BRINP2: variants seen among roughly 807,000 people sequenced by gnomAD.
BRINP2 encodes BMP/retinoic acid-inducible neural-specific protein 2.
A neutral mutation model predicts 69.2 loss-of-function variants in BRINP2; 21 were observed. The observed-to-expected ratio is 0.30, with a 90% confidence interval of 0.22 to 0.44. The LOEUF (loss-of-function observed/expected upper bound fraction) is 0.44. BRINP2 is among the 20% of genes least tolerant of loss of function. The pLI, the probability that BRINP2 is intolerant of heterozygous loss-of-function variation, is 1.00. For synonymous variants in BRINP2, 380 were observed against 394.1 expected (o/e 0.96, Z 0.42); for missense variants, 877 against 986.0 (o/e 0.89, Z 1.48).
chr1:177,190,205 C>T (rs1260199716), intron 1 of BRINP2, among the ~76,000 whole-genome samples: 1 of 152,186 alleles, frequency 6.6e-6, no homozygotes, highest in Non-Finnish European at 1.5e-5. Context: ...ATAAGTCTCT[C>T]CAGACTTTCA....
At chr1:177,196,935 C>T (rs749288186) in intron 1 of BRINP2, among the ~76,000 whole-genome samples, 8 of 152,084 alleles carry the variant, frequency 5.3e-5, no homozygotes, top group Non-Finnish European at 1.2e-4. Flanking sequence ...AATTGCTCCC[C>T]CACCCCAGTC....
chr1:177,276,362 C>G lies in BRINP2; in HGVS notation c.940C>G (p.Gln314Glu), dbSNP rs145771243. ...PECNCPDADI[Q>E]AMEDSLLQIQ... ...ATGCAACTGCCCTGATGCTGACATC[C>G]AGGCCATGGAGGACAGCCTGCTGCA... is the stretch of plus-strand genomic sequence containing the variant. Residue 314 changes from glutamine (Q) to glutamate (E), a missense_variant, in exon 6 of 8, where the codon CAG (glutamine) becomes GAG (glutamate). By Grantham distance (29) the Gln-to-Glu change is conservative. Transcript: ENST00000361539. 1.9e-6 allele frequency: 3 copies of G among 1,614,240 alleles called. No individual in the cohort carries two copies. The highest frequency in any genetic ancestry group is 2.5e-6 in the Non-Finnish European group (3 of 1,180,054).
At chr1:177,250,689 T>G (rs1408973697) in intron 2 of BRINP2, among the ~76,000 whole-genome samples, 1 of 152,214 alleles carries the variant, frequency 6.6e-6, no homozygotes, top group Non-Finnish European at 1.5e-5. Context: ...GTCCCTATCC[T>G]TATAATCCCT....
At chr1:177,272,228 C>A (rs148986025) in intron 4 of BRINP2, among the ~76,000 whole-genome samples, 141 of 152,290 alleles carry the variant, frequency 9.3e-4, no homozygotes, top group Non-Finnish European at 1.6e-3. Flanking sequence ...TAGAGCTGTG[C>A]TTCCTTAGAG....
In BRINP2 at chr1:177,229,991, G is replaced by A; in HGVS notation, c.115G>A (p.Ala39Thr). Residue 39 changes from alanine (A) to threonine (T), a missense_variant, in exon 2 of 8, where the codon GCT (alanine) becomes ACT (threonine). By Grantham distance (58) the Ala-to-Thr change is moderately conservative. This residue lies in a region of BRINP2 where 566 missense variants were observed against 625.2 expected (regional missense o/e 0.91). Coordinates refer to ENST00000361539, the MANE Select transcript of BRINP2 (RefSeq NM_021165.4). ...GGTGTTGGCTGTCTCAGCCACGGCG[G>A]CTGCTGTGGTCCCCGAGCAGCATGC... Reference protein sequence around the residue: ...GWVLAVSATAAAVVPEQHASV... With the variant: ...GWVLAVSATATAVVPEQHASV... 6.2e-7 allele frequency: 1 copy of A among 1,613,510 alleles called. No individual in the cohort carries two copies. Among genetic ancestry groups the A allele is most frequent in the Non-Finnish European group, 8.5e-7 (1 of 1,179,914 alleles).
chr1:177,185,654 T>G (rs1648406390), intron 1 of BRINP2, among the ~76,000 whole-genome samples: 1 of 152,202 alleles, frequency 6.6e-6, no homozygotes, highest in African/African-American at 2.4e-5. Context: ...CTCAGAACAA[T>G]CCTATAAGTC....
Sources: gnomAD v4.1 joint callset for allele counts (sites outside exome capture counted in the v4.1 genomes callset) on GRCh38, gnomAD v4.1.1 for gene constraint, gnomAD v4.1.1 regional missense constraint, MANE v1.5 for transcripts, NCBI Gene and HGNC (gene_info 2026-07-23, HGNC 2026-07-21) for gene names.